Variants in MARVELD3 observed in about 807,000 individuals in gnomAD.
MARVELD3 encodes MARVEL domain-containing protein 3.
MARVELD3 carries 28 observed loss-of-function variants against 33.5 expected under a neutral mutation model. That is an observed-to-expected ratio of 0.84 (90% CI 0.62 to 1.15). MARVELD3 has a LOEUF of 1.15. Ranked by LOEUF, MARVELD3 falls within the 50% of genes most tolerant of loss-of-function variation. MARVELD3 has a pLI of 0.00. For missense variants in MARVELD3, 582 were observed against 547.6 expected, an observed-to-expected ratio of 1.06 and a Z score of -0.63; for synonymous variants, 241 against 230.4, an observed-to-expected ratio of 1.05 and a Z score of -0.42.
rs778527966 is a variant in MARVELD3 at position 71,634,372 on chromosome 16, G to A, written c.775G>A (p.Asp259Asn). The part of the protein sequence containing the change: ...GADGEKAQQL[D>N]VQFYQLKLPM... ...TGACGGGGAGAAGGCCCAGCAACTG[G>A]ATGTCCAGTTCTACCAGCTAAAGCT... Residue 259 changes from aspartate to asparagine, a missense_variant, in exon 3 of 3, where the codon GAT becomes AAT. Transcript: ENST00000268485. 9 of 1,614,204 alleles carry A rather than the reference G, an allele frequency of 5.6e-6. No homozygotes were observed. In the Admixed American group the frequency reaches 1.2e-4, roughly 21 times the overall value.
At chr16:71,639,430 T>C (rs898969177), downstream of MARVELD3, 1 of 147,520 alleles carries the variant, frequency 6.8e-6, no homozygotes, top group Non-Finnish European at 1.5e-5. Flanking sequence ...TCATTGCATG[T>C]ATCAGGATTT....
chr16:71,636,962 G>A (rs2044585666), downstream of MARVELD3, among the ~76,000 whole-genome samples: 1 of 152,130 alleles, frequency 6.6e-6, no homozygotes, highest in South Asian at 2.1e-4. Flanking sequence ...CAAACCCTCT[G>A]CTGTCTTTCC....
Position 71,634,878 on chromosome 16 carries a change from CTTG to C in MARVELD3, c.*80_*82del, listed in dbSNP as rs2044568932. ...GAGCCACTGCCTTTCCCAAGAATCC[CTTG>C]TTGTGGAAGTTTCCAGTGCTGGAAA... On this transcript the variant is annotated 3_prime_UTR_variant, in exon 3 of 3. Coordinates refer to ENST00000268485, the MANE Select transcript of MARVELD3 (RefSeq NM_052858.6). The C allele has an allele frequency of 6.6e-7, 1 of 1,517,820 alleles. No homozygotes were observed. The highest frequency in any genetic ancestry group is 8.8e-7 in the Non-Finnish European group (1 of 1,136,220). 94.0% of individuals were successfully genotyped at this position (1,517,820 alleles called of 1,614,324 possible).
downstream of MARVELD3, chr16:71,639,297 C>G (rs1032011458): frequency 2.0e-5 from 3 of 151,958 alleles, no homozygotes; most frequent in East Asian, 5.8e-4. Context: ...TCATGAACTC[C>G]TGACCTCAGG....
Position 71,629,439 on chromosome 16 carries a change from A to G in MARVELD3, c.540A>G (p.Ser180=), listed in dbSNP as rs750558089. ...GAGAGGAGGTGGAATATTACCAGTC[A>G]GAGGCGGAAGGACTCCTGGAATGCC... ...PGREEVEYYQ[S]EAEGLLECHK... The change falls in exon 2 of 3, where the codon TCA becomes TCG. Residue 180 remains serine (S), a synonymous_variant. Coordinates refer to ENST00000268485, the MANE Select transcript of MARVELD3 (RefSeq NM_052858.6). 1 of 1,582,128 alleles carries G rather than the reference A, an allele frequency of 6.3e-7. No homozygotes were observed. The highest frequency in any genetic ancestry group is 2.4e-5 in the East Asian group (1 of 42,100).
intron 2 of MARVELD3, 84 bp downstream of exon 2, chr16:71,629,578 T>C (rs978208537): frequency 4.3e-6 from 6 of 1,380,640 alleles, no homozygotes; most frequent in Non-Finnish European, 5.8e-6. Flanking sequence ...AGCAAAAATT[T>C]AAGCAGATTC....
At chr16:71,632,090 A>T (rs1333572231) in intron 2 of MARVELD3, among the ~76,000 whole-genome samples, 1 of 152,206 alleles carries the variant, frequency 6.6e-6, no homozygotes, top group Admixed American at 6.5e-5. Context: ...TTAACATGAT[A>T]TTCTAGAAAA....
chr16:71,630,391 C>G (rs957067830), intron 2 of MARVELD3, among the ~76,000 whole-genome samples: 1 of 152,016 alleles, frequency 6.6e-6, no homozygotes, highest in Non-Finnish European at 1.5e-5. Flanking sequence ...TTTGGGAGGC[C>G]AAGGTGGGTG....
chr16:71,632,219 C>T (rs116961092), intron 2 of MARVELD3, among the ~76,000 whole-genome samples: 4 of 152,264 alleles, frequency 2.6e-5, no homozygotes, highest in East Asian at 1.9e-4. Context: ...GACTGCAAAG[C>T]GTCACTAAGG....
Position 71,634,672 on chromosome 16 carries a change from G to T in MARVELD3, c.1075G>T (p.Ala359Ser). The change falls in exon 3 of 3, where the codon GCA (alanine) becomes TCA (serine). Residue 359 changes from alanine to serine, a missense_variant. Physicochemically the swap from Ala to Ser is moderately conservative, Grantham distance 99. Transcript: ENST00000268485. The part of the protein sequence containing the change: ...YSGFGCSFHG[A>S]DIGAGIFAAL... ...CGGTTTCGGCTGCAGTTTCCACGGA[G>T]CAGATATAGGAGCTGGAATCTTTGC... 2 of 1,614,238 alleles carry T rather than the reference G, an allele frequency of 1.2e-6. No homozygotes were observed.
chr16:71,632,721 T>C (rs2044544841), intron 2 of MARVELD3, among the ~76,000 whole-genome samples: 1 of 151,748 alleles, frequency 6.6e-6, no homozygotes. Context: ...AAGCGATTCT[T>C]CCACCTCAGC....
chr16:71,633,348 A>G (rs2044550442), intron 2 of MARVELD3, among the ~76,000 whole-genome samples: 2 of 152,062 alleles, frequency 1.3e-5, no homozygotes, highest in South Asian at 4.1e-4. Context: ...GGTGACAGAG[A>G]CCTTGTCTCA....
chr16:71,638,714 C>G (rs994507295), downstream of MARVELD3: 1 of 152,200 alleles, frequency 6.6e-6, no homozygotes, highest in African/African-American at 2.4e-5. Context: ...TGATAATATA[C>G]TGCATAACTA....
intron 2 of MARVELD3, among the ~76,000 whole-genome samples, chr16:71,630,911 G>A (rs1420157761): frequency 5.3e-5 from 8 of 152,168 alleles, no homozygotes; most frequent in South Asian, 2.1e-4. Flanking sequence ...CAAATGTGGC[G>A]TCCCCAGGTT....
chr16:71,640,766 G>A, downstream of MARVELD3: 1 of 1,614,242 alleles, frequency 6.2e-7, no homozygotes, highest in Non-Finnish European at 8.5e-7. Flanking sequence ...ACCTCCACGT[G>A]GCTCTGCAGA....
intron 2 of MARVELD3, among the ~76,000 whole-genome samples, chr16:71,630,081 TAA>T (rs35937926): frequency 2.3e-4 from 32 of 139,022 alleles, no homozygotes; most frequent in Admixed American, 4.3e-4. Context: ...ATCTCTAGTT[TAA>T]AAAAAAAAAA....
intron 2 of MARVELD3, among the ~76,000 whole-genome samples, chr16:71,633,256 G>A (rs2044549811): frequency 6.6e-6 from 1 of 151,978 alleles, no homozygotes; most frequent in South Asian, 2.1e-4. Context: ...CAGCTATGTG[G>A]GAGGCTGAGG....
intron 2 of MARVELD3, among the ~76,000 whole-genome samples, chr16:71,633,677 G>A (rs931782800): frequency 1.3e-5 from 2 of 150,424 alleles, no homozygotes; most frequent in African/African-American, 2.4e-5. Context: ...TTACAGGCGT[G>A]AGCCACCATA....
chr16:71,636,829 G>T (rs1042830522), downstream of MARVELD3, among the ~76,000 whole-genome samples: 13 of 152,238 alleles, frequency 8.5e-5, no homozygotes. Flanking sequence ...GGGCTCAAGT[G>T]ATCCACCCAC....
Sources: gnomAD v4.1 joint callset for allele counts (sites outside exome capture counted in the v4.1 genomes callset) on GRCh38, gnomAD v4.1.1 for gene constraint, MANE v1.5 for transcripts, NCBI Gene and HGNC (gene_info 2026-07-23, HGNC 2026-07-21) for gene names.